APC2: variants seen among roughly 807,000 people sequenced by gnomAD.
APC2 encodes the protein adenomatous polyposis coli protein 2.
Under a neutral mutation model 72.5 loss-of-function variants are expected in APC2, and 41 were observed. The observed-to-expected ratio is 0.57, with a 90% CI of 0.44 to 0.73. The LOEUF is 0.73. Among genes scored for constraint, APC2 ranks in the 30% least tolerant of loss-of-function variants. The pLI, the probability that APC2 is intolerant of heterozygous loss-of-function variation, is 0.00. For missense variants in APC2, 3,729 were observed against 3,403.4 expected, an observed-to-expected ratio of 1.10 and a Z score of -2.38; for synonymous variants, 1,898 against 1,612.0, an observed-to-expected ratio of 1.18 and a Z score of -4.25.
In APC2 at chr19:1,455,131, C is replaced by T. The variant is rs779512174; in HGVS notation, c.414-18C>T. On this transcript the variant is annotated intron_variant, in intron 4 of 14. Transcript: ENST00000590469. ...CGGCGCCGCCCTCTGAGCCCGCCCC[C>T]GCTGACTTGCTCCCCAGGTGTTTCC... 3 of 1,538,058 alleles carry T rather than the reference C, an allele frequency of 2.0e-6. No individual in the cohort carries two copies. The highest frequency in any genetic ancestry group is 2.2e-5 in the Admixed American group (1 of 45,056).
Position 1,456,971 on chromosome 19 carries a change from G to A in APC2, c.935G>A (p.Gly312Asp). The change falls in exon 9 of 15, where the codon GGC (glycine) becomes GAC (aspartate). Residue 312 changes from glycine (G) to aspartate (D), a missense_variant. Physicochemically the swap from Gly to Asp is moderately conservative, Grantham distance 94 (BLOSUM62 -1). Coordinates refer to ENST00000590469, the MANE Select transcript of APC2 (RefSeq NM_005883.3). Reference protein sequence around the residue: ...PESCVAMRRSGCLPLLLQILH... With the variant: ...PESCVAMRRSDCLPLLLQILH... The stretch of plus-strand genomic sequence containing the variant: ...AGCTGCGTGGCCATGCGCCGCTCGG[G>A]CTGTCTGCCTCTGCTGCTGCAAATC... 1 of 1,539,122 alleles carries A rather than the reference G, an allele frequency of 6.5e-7. No homozygotes were observed. Among genetic ancestry groups the A allele is most frequent in the Non-Finnish European group, 8.7e-7 (1 of 1,148,968 alleles).
In APC2 at chr19:1,470,484, CA is replaced by C. The variant is rs1436607327; in HGVS notation, c.*272del. The C allele has an allele frequency of 2.3e-6, 1 of 443,502 alleles. No individual in the cohort carries two copies. The highest frequency in any genetic ancestry group is 3.9e-6 in the Non-Finnish European group (1 of 254,750). 27.5% of individuals were successfully genotyped at this position (443,502 alleles called of 1,614,324 possible). A position where few individuals can be genotyped will look rare whatever the true frequency, so the allele number is the denominator to read the frequency against. ...GAGCGCTGGCAAGGGCGTCCTGGCCCAGCCCTGAGCGCGCGGCCCTTCCCCT... is the reference window on the plus strand; with the variant it reads ...GAGCGCTGGCAAGGGCGTCCTGGCCCGCCCTGAGCGCGCGGCCCTTCCCCT... On this transcript the variant is annotated 3_prime_UTR_variant, in exon 15 of 15. Coordinates refer to ENST00000590469, the MANE Select transcript of APC2 (RefSeq NM_005883.3).
upstream of APC2, among the ~76,000 whole-genome samples, chr19:1,447,080 C>A (rs2083694475): frequency 6.6e-6 from 1 of 152,170 alleles, no homozygotes; most frequent in South Asian, 2.1e-4. Flanking sequence ...GAAACTGAGG[C>A]CCATAGCGGC....
Position 1,468,424 on chromosome 19 carries a change from G to T in APC2, c.5123G>T (p.Arg1708Leu), listed in dbSNP as rs775525292. The part of the protein sequence containing the change: ...TWLHQAAAAT[R>L]EASSESDSIL... Reference sequence around the variant, plus strand: ...CTGCACCAGGCAGCAGCTGCCACGCGGGAGGCCTCGTCCGAGTCCGACTCC... The same window carrying T: ...CTGCACCAGGCAGCAGCTGCCACGCTGGAGGCCTCGTCCGAGTCCGACTCC... Residue 1708 changes from arginine (R) to leucine (L), a missense_variant, in exon 15 of 15, where the codon CGG becomes CTG. Arg to Leu is a moderately radical substitution (Grantham distance 102). Coordinates refer to ENST00000590469, the MANE Select transcript of APC2 (RefSeq NM_005883.3). The T allele has an allele frequency of 1.3e-6, 2 of 1,591,526 alleles. No individual in the cohort carries two copies. Among genetic ancestry groups the T allele is most frequent in the East Asian group, 2.3e-5 (1 of 43,662 alleles).
At position 1,456,994 on chromosome 19, in the gene APC2, A is replaced by G. The variant is rs2083840181; in HGVS notation, c.958A>G (p.Ile320Val). 6.5e-7 allele frequency: 1 copy of G among 1,535,148 alleles called. No individual in the cohort carries two copies. The highest frequency in any genetic ancestry group is 8.7e-7 in the Non-Finnish European group (1 of 1,146,534). Reference protein sequence around the residue: ...RSGCLPLLLQILHGTEAAAGG... With the variant: ...RSGCLPLLLQVLHGTEAAAGG... ...GGGCTGTCTGCCTCTGCTGCTGCAAATCCTCCACGGCACCGAGGCCGCGGC... is the reference window on the plus strand; with the variant it reads ...GGGCTGTCTGCCTCTGCTGCTGCAAGTCCTCCACGGCACCGAGGCCGCGGC... The change falls in exon 9 of 15, where the codon ATC (isoleucine) becomes GTC (valine). Residue 320 changes from isoleucine to valine, a missense_variant. Ile to Val is a conservative substitution (Grantham distance 29, BLOSUM62 3). Transcript: ENST00000590469.
Position 1,467,792 on chromosome 19 carries a change from C to T in APC2, c.4491C>T (p.Cys1497=), listed in dbSNP as rs780588302. 2.2e-5 allele frequency: 32 copies of T among 1,448,372 alleles called. No homozygotes were observed. Among genetic ancestry groups the T allele is most frequent in the Non-Finnish European group, 2.7e-5 (30 of 1,105,084 alleles). The allele number at this position is 1,448,372 out of a possible 1,614,324, so 89.7% of individuals were successfully genotyped here. The change falls in exon 15 of 15, where the codon TGC becomes TGT. Residue 1497 remains cysteine, a synonymous_variant. Coordinates refer to ENST00000590469, the MANE Select transcript of APC2 (RefSeq NM_005883.3). ...GGGACGGGGCGCTCCAGTCGCTGTG[C>T]CTCACGACGCCCACTGAGGAGGCCG... ...TRGDGALQSL[C]LTTPTEEAVY...
At chr19:1,446,838 G>T (rs1271681042), upstream of APC2, among the ~76,000 whole-genome samples, 4 of 152,172 alleles carry the variant, frequency 2.6e-5, no homozygotes, top group Non-Finnish European at 4.4e-5. The surrounding 1 kb of genome is among the most constrained non-coding windows in gnomAD (Gnocchi z 6.1). Context: ...GTATCCGTCC[G>T]CTCCCGACCC....
Position 1,456,945 on chromosome 19 carries a change from G to C in APC2, c.909G>C (p.Glu303Asp), listed in dbSNP as rs767768420. The C allele has an allele frequency of 5.2e-6, 8 of 1,552,906 alleles. No homozygotes were observed. The African/African-American group carries it at 1.1e-4, about 21-fold the overall frequency. ...TGCTGGCCATGTCCAGCTCGCCCGA[G>C]AGCTGCGTGGCCATGCGCCGCTCGG... is the stretch of plus-strand genomic sequence containing the variant. Reference protein sequence around the residue: ...RTLLAMSSSPESCVAMRRSGC... With the variant: ...RTLLAMSSSPDSCVAMRRSGC... Residue 303 changes from glutamate (E) to aspartate (D), a missense_variant, in exon 9 of 15, where the codon GAG becomes GAC. Coordinates refer to ENST00000590469, the MANE Select transcript of APC2 (RefSeq NM_005883.3).
At position 1,466,760 on chromosome 19, in the gene APC2, G is replaced by A. The variant is rs750294234; in HGVS notation, c.3459G>A (p.Gln1153=). The change falls in exon 15 of 15, where the codon CAG becomes CAA. Residue 1153 remains glutamine, a synonymous_variant. Coordinates refer to ENST00000590469, the MANE Select transcript of APC2 (RefSeq NM_005883.3). Reference sequence around the variant, plus strand: ...CCAGCTCGTCGGAGAACTACGTGCAGGAGACACCGCTTGTGCTGAGCCGCT... The same window carrying A: ...CCAGCTCGTCGGAGAACTACGTGCAAGAGACACCGCTTGTGCTGAGCCGCT... ...TPSSSSENYV[Q]ETPLVLSRCS... 3 of 1,550,142 alleles carry A rather than the reference G, an allele frequency of 1.9e-6. No homozygotes were observed. The highest frequency in any genetic ancestry group is 1.9e-5 in the Admixed American group (1 of 51,284).
intron 8 of APC2, among the ~76,000 whole-genome samples, chr19:1,456,648 C>G (rs2656870): frequency 0.62 from 94,558 of 151,716 alleles, 30,256 homozygotes; most frequent in African/African-American, 0.77. Flanking sequence ...TCCCTTGGCT[C>G]TGCGCGGCCA....
Position 1,450,216 on chromosome 19 carries a change from A to T in APC2, c.-141A>T. On this transcript the variant is annotated 5_prime_UTR_variant, in exon 1 of 15. Transcript: ENST00000590469. ...CGGAGCCCCTGCCCGCGCCGCGGAGACCCCGGAGCCCGCGCGCTCCGAGGC... is the reference window on the plus strand; with the variant it reads ...CGGAGCCCCTGCCCGCGCCGCGGAGTCCCCGGAGCCCGCGCGCTCCGAGGC... 2 of 983,548 alleles carry T rather than the reference A, an allele frequency of 2.0e-6. No homozygotes were observed. Among genetic ancestry groups the T allele is most frequent in the Non-Finnish European group, 2.4e-6 (2 of 829,444 alleles). 60.9% of individuals were successfully genotyped at this position (983,548 alleles called of 1,614,324 possible).
At position 1,453,575 on chromosome 19, in the gene APC2, C is replaced by G. The variant is rs1401565822; in HGVS notation, c.377C>G (p.Ala126Gly). 1 of 1,609,140 alleles carries G rather than the reference C, an allele frequency of 6.2e-7. No homozygotes were observed. Among genetic ancestry groups the G allele is most frequent in the Non-Finnish European group, 8.5e-7 (1 of 1,178,544 alleles). ...SKDSFGELSR[A>G]TIRLLEELDR... ...GACAGCTTTGGGGAGCTGAGCCGGG[C>G]CACCATCCGGCTGCTGGAGGAACTG... The change falls in exon 4 of 15, where the codon GCC (alanine) becomes GGC (glycine). Residue 126 changes from alanine (A) to glycine (G), a missense_variant. Transcript: ENST00000590469.
At chr19:1,459,634 G>A (rs1194824423) in intron 10 of APC2, among the ~76,000 whole-genome samples, 4 of 152,212 alleles carry the variant, frequency 2.6e-5, no homozygotes, top group Non-Finnish European at 5.9e-5. Flanking sequence ...TCTTTGAAGA[G>A]GGAGAAAAGT....
Position 1,466,159 on chromosome 19 carries a change from G to A in APC2, c.2858G>A (p.Arg953His). ...TGCCCGCTGGCCGCACTGGCTTCGC[G>A]CCGCGAGGACCCCAGGTGTGGGCAG... The part of the protein sequence containing the change: ...LPCPLAALAS[R>H]REDPRCGQPR... Residue 953 changes from arginine (R) to histidine (H), a missense_variant, in exon 15 of 15, where the codon CGC becomes CAC. Transcript: ENST00000590469. 1 of 1,565,048 alleles carries A rather than the reference G, an allele frequency of 6.4e-7. No homozygotes were observed. Among genetic ancestry groups the A allele is most frequent in the Non-Finnish European group, 8.6e-7 (1 of 1,166,148 alleles).
At chr19:1,448,675 T>C (rs1295724647), upstream of APC2, among the ~76,000 whole-genome samples, 1 of 151,098 alleles carries the variant, frequency 6.6e-6, no homozygotes, top group Non-Finnish European at 1.5e-5. Flanking sequence ...ATCCCGTCTC[T>C]ACTAAAAAAT....
intron 13 of APC2, chr19:1,461,618 C>T (rs6510609): frequency 0.023 from 7,225 of 314,020 alleles, 505 homozygotes; most frequent in African/African-American, 0.15. Context: ...TTTGGGAGGC[C>T]GAGGCGGGCG....
Position 1,460,840 on chromosome 19 carries a change from A to C in APC2, c.1504A>C (p.Ser502Arg). The change falls in exon 12 of 15, where the codon AGT (serine) becomes CGT (arginine). Residue 502 changes from serine to arginine, a missense_variant. Ser to Arg is a moderately radical substitution (Grantham distance 110). Coordinates refer to ENST00000590469, the MANE Select transcript of APC2 (RefSeq NM_005883.3). ...EAIVAQLASD[S>R]EELHQVVSSI... ...CATCGTGGCCCAGCTGGCCTCCGACAGTGAGGAGCTCCACCAGGTACAGGG... is the reference window on the plus strand; with the variant it reads ...CATCGTGGCCCAGCTGGCCTCCGACCGTGAGGAGCTCCACCAGGTACAGGG... 1 of 1,613,148 alleles carries C rather than the reference A, an allele frequency of 6.2e-7. No homozygotes were observed.
In APC2 at chr19:1,452,914, C is replaced by T. The variant is rs574828797; in HGVS notation, c.-18-70C>T. 1.9e-4 allele frequency: 294 copies of T among 1,526,514 alleles called. 1 individual carries two copies. The African/African-American group carries it at 2.9e-3, about 15-fold the overall frequency. The allele number at this position is 1,526,514 out of a possible 1,614,324, so 94.6% of individuals were successfully genotyped here. A position where few individuals can be genotyped will look rare whatever the true frequency, so the allele number is the denominator to read the frequency against. On this transcript the variant is annotated intron_variant, in intron 1 of 14. Transcript: ENST00000590469. The surrounding 1 kb of genome is among the most constrained non-coding windows in gnomAD (Gnocchi z 5.1). Reference sequence around the variant, plus strand: ...GACGGCTGGGGCTTAGGTCAGGGGCCGTCTGTCCGGAAGGCATCACCGCGC... The same window carrying T: ...GACGGCTGGGGCTTAGGTCAGGGGCTGTCTGTCCGGAAGGCATCACCGCGC...
rs2145256045 is a variant in APC2 at position 1,468,910 on chromosome 19, A to G, written c.5609A>G (p.Lys1870Arg). Reference protein sequence around the residue: ...RSATPPARLAKTPSSSSSQTS... With the variant: ...RSATPPARLARTPSSSSSQTS... ...GCCACACCGCCCGCCCGCCTCGCCA[A>G]GACCCCCTCCTCCAGCTCCTCCCAG... Residue 1870 changes from lysine (K) to arginine (R), a missense_variant, in exon 15 of 15, where the codon AAG (lysine) becomes AGG (arginine). Physicochemically the swap from Lys to Arg is conservative, Grantham distance 26 (BLOSUM62 2). Transcript: ENST00000590469. 13 of 1,526,986 alleles carry G rather than the reference A, an allele frequency of 8.5e-6. No individual in the cohort carries two copies. The highest frequency in any genetic ancestry group is 1.1e-5 in the Non-Finnish European group (13 of 1,144,382). 94.6% of individuals were successfully genotyped at this position (1,526,986 alleles called of 1,614,324 possible). A position where few individuals can be genotyped will look rare whatever the true frequency, so the allele number is the denominator to read the frequency against.
Sources: gnomAD v4.1 joint callset for allele counts (sites outside exome capture counted in the v4.1 genomes callset) on GRCh38, gnomAD v4.1.1 for gene constraint, Gnocchi (gnomAD v3.1) non-coding constraint, MANE v1.5 for transcripts, NCBI Gene and HGNC (gene_info 2026-07-23, HGNC 2026-07-21) for gene names.